The following CDC42BPB variants were observed in gnomAD, a reference collection of about 807,000 sequenced individuals.
The protein encoded by CDC42BPB is serine/threonine-protein kinase MRCK beta.
A neutral mutation model predicts 214.9 loss-of-function variants in CDC42BPB; 37 were observed. That is an observed-to-expected ratio of 0.17 (90% CI 0.13 to 0.23). The LOEUF (loss-of-function observed/expected upper bound fraction) is 0.23. Among genes scored for constraint, CDC42BPB ranks in the 10% least tolerant of loss-of-function variants. CDC42BPB has a pLI of 1.00. For synonymous variants in CDC42BPB, 931 were observed against 884.0 expected (o/e 1.05, Z -0.94); for missense variants, 1,694 against 2,227.0 (o/e 0.76, Z 4.82).
At chr14:103,052,823 G>C (rs1267089126) in intron 1 of CDC42BPB, among the ~76,000 whole-genome samples, 2 of 152,196 alleles carry the variant, frequency 1.3e-5, no homozygotes, top group East Asian at 3.9e-4. Flanking sequence ...AATGCCCATA[G>C]GCTAGGATTT....
chr14:102,933,671 G>A lies in CDC42BPB; in HGVS notation c.*41C>T, dbSNP rs2139324914. On this transcript the variant is annotated 3_prime_UTR_variant, in exon 37 of 37. Coordinates refer to ENST00000361246, the MANE Select transcript of CDC42BPB (RefSeq NM_006035.4). ...CTCAGTCTTGGCACTGACGCTGGAG[G>A]CCATCTCCAGCTCCCTGGCCCCTGT... The A allele has an allele frequency of 1.4e-6, 2 of 1,400,374 alleles. No individual in the cohort carries two copies. Among genetic ancestry groups the A allele is most frequent in the East Asian group, 2.9e-5 (1 of 34,516 alleles). The allele number at this position is 1,400,374 out of a possible 1,614,324, so 86.7% of individuals were successfully genotyped here.
At chr14:103,003,118 G>A (rs528194443) in intron 4 of CDC42BPB, among the ~76,000 whole-genome samples, 5 of 152,188 alleles carry the variant, frequency 3.3e-5, no homozygotes, top group African/African-American at 7.2e-5. Context: ...CGCCCCTCTC[G>A]CCACCACTGC....
In CDC42BPB at chr14:102,947,760, G is replaced by A. The variant is rs1175546955; in HGVS notation, c.3492C>T (p.Val1164=). ...GAATATCTCGGCGTGTAGCATGAAT[G>A]ACATCTGAGGCCAGGACTGAGCTCA... ...FSVSSVLASD[V]IHATRRDIPC... Residue 1164 remains valine, a synonymous_variant, in exon 27 of 37, where the codon GTC becomes GTT. Coordinates refer to ENST00000361246, the MANE Select transcript of CDC42BPB (RefSeq NM_006035.4). The A allele has an allele frequency of 1.2e-6, 2 of 1,612,592 alleles. No individual in the cohort carries two copies. Among genetic ancestry groups the A allele is most frequent in the South Asian group, 2.2e-5 (2 of 91,076 alleles).
At chr14:103,002,865 AAC>A (rs1011531944) in intron 4 of CDC42BPB, among the ~76,000 whole-genome samples, 4 of 152,140 alleles carry the variant, frequency 2.6e-5, no homozygotes, top group Non-Finnish European at 4.4e-5. Context: ...CTGCTGGGCA[AAC>A]ACATATATAT....
At chr14:103,029,886 A>T (rs1199672666) in intron 1 of CDC42BPB, among the ~76,000 whole-genome samples, 1 of 150,744 alleles carries the variant, frequency 6.6e-6, no homozygotes, top group Non-Finnish European at 1.5e-5. Flanking sequence ...AAAAAAAAGA[A>T]ATGCTAGATT....
At chr14:102,997,375 C>G (rs149124842) in intron 5 of CDC42BPB, among the ~76,000 whole-genome samples, 5 of 152,138 alleles carry the variant, frequency 3.3e-5, no homozygotes, top group South Asian at 4.1e-4. Flanking sequence ...TCATATACCC[C>G]CCTTCCAGCC....
At chr14:102,976,211 C>G (rs1325450710) in intron 9 of CDC42BPB, 162 bp from the exon 10 acceptor site, 1 of 985,278 alleles carries the variant, frequency 1.0e-6, no homozygotes, top group Non-Finnish European at 1.2e-6. Flanking sequence ...GACAAGTGAC[C>G]AGATGGTCAA....
chr14:102,949,087 GCA>G (rs1297142346), intron 26 of CDC42BPB, among the ~76,000 whole-genome samples: 2 of 152,212 alleles, frequency 1.3e-5, no homozygotes, highest in Non-Finnish European at 2.9e-5. Context: ...CACGGGCACA[GCA>G]CAGAGATGAC....
chr14:102,984,496 A>G (rs1189969277), intron 6 of CDC42BPB, among the ~76,000 whole-genome samples: 1 of 152,104 alleles, frequency 6.6e-6, no homozygotes, highest in Non-Finnish European at 1.5e-5. Flanking sequence ...CCAGGAGGCT[A>G]AGACCGCTCC....
chr14:103,036,239 C>G (rs28638769), intron 1 of CDC42BPB, among the ~76,000 whole-genome samples: 16,244 of 151,100 alleles, frequency 0.11, 2,267 homozygotes, highest in African/African-American at 0.33. Context: ...TGCAAGCTCC[C>G]CCTCCTGGGT....
At chr14:103,028,503 C>T (rs552103835) in intron 1 of CDC42BPB, among the ~76,000 whole-genome samples, 39 of 152,334 alleles carry the variant, frequency 2.6e-4, no homozygotes, top group Non-Finnish European at 4.4e-5. Flanking sequence ...CCAGCCTAAT[C>T]GTTTTGTGAT....
At chr14:102,934,069 T>C in intron 36 of CDC42BPB, 1 of 1,294,126 alleles carries the variant, frequency 7.7e-7, no homozygotes. Context: ...AACATGGTAA[T>C]TATCATTACA....
chr14:103,056,460 G>T (rs1192884589), intron 1 of CDC42BPB, among the ~76,000 whole-genome samples: 1 of 152,102 alleles, frequency 6.6e-6, no homozygotes, highest in Non-Finnish European at 1.5e-5. Context: ...GGCAGTGGGC[G>T]AGGCAGATGC....
intron 1 of CDC42BPB, among the ~76,000 whole-genome samples, chr14:103,026,306 G>A (rs531386906): frequency 3.0e-4 from 45 of 152,032 alleles, no homozygotes; most frequent in Middle Eastern, 3.4e-3. Flanking sequence ...CAGGAGAATC[G>A]CGTGAACCTG....
intron 1 of CDC42BPB, among the ~76,000 whole-genome samples, chr14:103,024,611 T>C (rs1484217132): frequency 6.6e-6 from 1 of 152,240 alleles, no homozygotes; most frequent in African/African-American, 2.4e-5. Flanking sequence ...AACATAGTCC[T>C]TCCTATTTGA....
chr14:103,018,218 TGGA>T (rs1886575834), intron 1 of CDC42BPB, among the ~76,000 whole-genome samples: 1 of 152,180 alleles, frequency 6.6e-6, no homozygotes. Flanking sequence ...TCTCCTGCCG[TGGA>T]GTCTGGTTCC....
Position 102,944,198 on chromosome 14 carries a change from G to T in CDC42BPB, c.4101C>A (p.Phe1367Leu). 5 of 1,613,306 alleles carry T rather than the reference G, an allele frequency of 3.1e-6. No individual in the cohort carries two copies. Among genetic ancestry groups the T allele is most frequent in the Non-Finnish European group, 4.2e-6 (5 of 1,180,028 alleles). The change falls in exon 30 of 37, where the codon TTC (phenylalanine) becomes TTA (leucine). Residue 1367 changes from phenylalanine (F) to leucine (L), a missense_variant. Transcript: ENST00000361246. This position sits in a 1 kb window ranked among gnomAD's most constrained non-coding sequence, Gnocchi z 6.6. Reference protein sequence around the residue: ...IQRTKPFHRKFNEIVAPGSVQ... With the variant: ...IQRTKPFHRKLNEIVAPGSVQ... ...CGCTGCCGGGAGCCACAATCTCATT[G>T]AACTTTCTGTGGAATGGCTTCGTTC...
At chr14:102,941,500 G>C in intron 30 of CDC42BPB, 2 of 985,444 alleles carry the variant, frequency 2.0e-6, no homozygotes, top group Non-Finnish European at 2.4e-6. Context: ...ATGCACCTGT[G>C]AGGCCTCTGA....
intron 1 of CDC42BPB, among the ~76,000 whole-genome samples, chr14:103,048,715 A>AG (rs1009841528): frequency 6.6e-6 from 1 of 151,030 alleles, no homozygotes; most frequent in Non-Finnish European, 1.5e-5. Flanking sequence ...CTCAAAAAAA[A>AG]AAAAAAAAAT....
Sources: gnomAD v4.1 joint callset for allele counts (sites outside exome capture counted in the v4.1 genomes callset) on GRCh38, gnomAD v4.1.1 for gene constraint, Gnocchi (gnomAD v3.1) non-coding constraint, MANE v1.5 for transcripts, NCBI Gene and HGNC (gene_info 2026-07-23, HGNC 2026-07-21) for gene names.